Variants in FOLH1 observed in about 807,000 individuals in gnomAD.
The protein encoded by FOLH1 is glutamate carboxypeptidase 2.
FOLH1 carries 54 observed loss-of-function variants against 93.9 expected under a neutral mutation model. That is an observed-to-expected ratio of 0.57 (90% CI 0.46 to 0.72). The LOEUF is 0.72. FOLH1 is among the 30% of genes least tolerant of loss of function. The pLI, the probability that FOLH1 is intolerant of heterozygous loss-of-function variation, is 0.00. For synonymous variants in FOLH1, 249 were observed against 303.6 expected, an observed-to-expected ratio of 0.82 and a Z score of 1.87; for missense variants, 571 against 892.5, an observed-to-expected ratio of 0.64 and a Z score of 4.59.
Position 49,188,695 on chromosome 11 carries a change from T to A in FOLH1, c.514-1926A>T, listed in dbSNP as rs57970386. Among the ~76,000 whole-genome samples the A allele has an allele frequency of 8.4e-3, 1,285 of 152,272 alleles. 18 individuals carry two copies. The highest frequency in any genetic ancestry group is 0.03 in the African/African-American group (1,238 of 41,552). On this transcript the variant is annotated intron_variant, in intron 4 of 18. Transcript: ENST00000256999. Reference sequence around the variant, plus strand: ...TATCTTAACACATTTGTTCAGTGGGTGAACAAATTATTGCTAGAATGAGAC... The same window carrying A: ...TATCTTAACACATTTGTTCAGTGGGAGAACAAATTATTGCTAGAATGAGAC...
intron 13 of FOLH1, among the ~76,000 whole-genome samples, chr11:49,161,303 G>A (rs1202544386): frequency 6.6e-6 from 1 of 152,090 alleles, no homozygotes; most frequent in Admixed American, 6.5e-5. Flanking sequence ...ATGAATCTGG[G>A]TGCTCCTGTG....
chr11:49,177,004 C>T (rs1860131165), intron 7 of FOLH1, among the ~76,000 whole-genome samples: 1 of 152,246 alleles, frequency 6.6e-6, no homozygotes, highest in African/African-American at 2.4e-5. Context: ...TGCGGTGCAG[C>T]ATGCTCTGTC....
chr11:49,183,845 C>T (rs1861069723), intron 6 of FOLH1, among the ~76,000 whole-genome samples: 1 of 151,978 alleles, frequency 6.6e-6, no homozygotes, highest in Non-Finnish European at 1.5e-5. Flanking sequence ...ATAGTGATTG[C>T]TTCTAGGGGA....
intron 3 of FOLH1, among the ~76,000 whole-genome samples, chr11:49,197,974 G>A (rs1862806774): frequency 6.6e-6 from 1 of 151,854 alleles, no homozygotes; most frequent in African/African-American, 2.4e-5. Flanking sequence ...AAATAAAAAA[G>A]AACTAATGAT....
chr11:49,189,588 T>C (rs1215757850), intron 4 of FOLH1, among the ~76,000 whole-genome samples: 2 of 152,188 alleles, frequency 1.3e-5, no homozygotes, highest in Admixed American at 1.3e-4. Flanking sequence ...AAGTGTGTTT[T>C]TGACTTAGGA....
At chr11:49,147,047 T>C in intron 18 of FOLH1, 102 bp from the exon 19 acceptor site, 1 of 1,163,066 alleles carries the variant, frequency 8.6e-7, no homozygotes. Flanking sequence ...CTATAACAAT[T>C]TGAACAAGCC....
chr11:49,167,923 C>A (rs867272047), intron 12 of FOLH1, among the ~76,000 whole-genome samples: 1,817 of 9,010 alleles, frequency 0.2, 35 homozygotes, highest in African/African-American at 0.3. Context: ...CACAAAAAAA[C>A]CAGAAAAAGA....
chr11:49,173,264 A>G, intron 10 of FOLH1, 93 bp downstream of exon 10: 1 of 1,272,374 alleles, frequency 7.9e-7, no homozygotes, highest in African/African-American at 1.5e-5. Context: ...AAACACATGT[A>G]ATGGTTGAGG....
intron 3 of FOLH1, among the ~76,000 whole-genome samples, chr11:49,196,428 A>G (rs916525310): frequency 6.6e-6 from 1 of 152,168 alleles, no homozygotes; most frequent in Non-Finnish European, 1.5e-5. Context: ...AATAAAACCT[A>G]CTTCAGAAAA....
At chr11:49,183,412 ATTGC>A (rs1419122141) in intron 6 of FOLH1, among the ~76,000 whole-genome samples, 170 bp from the exon 7 acceptor site, 1 of 152,174 alleles carries the variant, frequency 6.6e-6, no homozygotes, top group Non-Finnish European at 1.5e-5. Flanking sequence ...ATCCTCATAC[ATTGC>A]TTGTGATAAT....
At position 49,161,402 on chromosome 11, in the gene FOLH1, T is replaced by A. The variant is rs561139725; in HGVS notation, c.1440+3303A>T. ...TGATGCCCTTCTTTGTCTTTTTTTTTATCTTTGTTGGTTTAAAGTCTGTTT... is the reference window on the plus strand; with the variant it reads ...TGATGCCCTTCTTTGTCTTTTTTTTAATCTTTGTTGGTTTAAAGTCTGTTT... On this transcript the variant is annotated intron_variant, in intron 13 of 18. Transcript: ENST00000256999. Among the ~76,000 whole-genome samples the A allele has an allele frequency of 1.1e-4, 16 of 152,272 alleles. No individual in the cohort carries two copies. The East Asian group carries it at 2.7e-3, about 26-fold the overall frequency.
chr11:49,190,580 C>G (rs1385387533), intron 4 of FOLH1, among the ~76,000 whole-genome samples: 1 of 152,160 alleles, frequency 6.6e-6, no homozygotes, highest in Admixed American at 6.5e-5. Flanking sequence ...AACAATATCA[C>G]GCTTGTTACA....
intron 2 of FOLH1, among the ~76,000 whole-genome samples, chr11:49,203,296 T>C (rs1300705657): frequency 6.6e-6 from 1 of 152,196 alleles, no homozygotes; most frequent in Non-Finnish European, 1.5e-5. Context: ...TGAATTCAAC[T>C]GGGTGTTTTC....
At chr11:49,170,221 C>G (rs1859076444) in intron 11 of FOLH1, among the ~76,000 whole-genome samples, 1 of 152,188 alleles carries the variant, frequency 6.6e-6, no homozygotes, top group Admixed American at 6.6e-5. Context: ...AATTACTTTT[C>G]AAATGGCTTA....
chr11:49,197,016 A>G (rs1590675029), intron 3 of FOLH1, among the ~76,000 whole-genome samples: 1 of 152,220 alleles, frequency 6.6e-6, no homozygotes, highest in African/African-American at 2.4e-5. Flanking sequence ...AACCAAATCA[A>G]CTACGACTTG....
chr11:49,204,355 A>T (rs1590706707), intron 2 of FOLH1, among the ~76,000 whole-genome samples: 1 of 152,092 alleles, frequency 6.6e-6, no homozygotes. Flanking sequence ...TTTTGCCCCC[A>T]GTTGAATTCT....
intron 7 of FOLH1, among the ~76,000 whole-genome samples, chr11:49,182,054 C>T (rs555049777): frequency 2.4e-4 from 37 of 152,190 alleles, no homozygotes; most frequent in African/African-American, 8.2e-4. Flanking sequence ...GGTGGCTGGG[C>T]GCAGTGCCTC....
chr11:49,208,131 C>T (rs1266157383), intron 1 of FOLH1, 161 bp downstream of exon 1: 2 of 623,596 alleles, frequency 3.2e-6, no homozygotes, highest in Admixed American at 5.8e-5. Context: ...AGCTACCCTC[C>T]TCCTAACTCG....
At chr11:49,193,696 C>CA (rs1565203492) in intron 3 of FOLH1, among the ~76,000 whole-genome samples, 1 of 151,498 alleles carries the variant, frequency 6.6e-6, no homozygotes, top group East Asian at 1.9e-4. Flanking sequence ...TATTCAGAAG[C>CA]AAAAAAATAA....
Sources: gnomAD v4.1 joint callset for allele counts (sites outside exome capture counted in the v4.1 genomes callset) on GRCh38, gnomAD v4.1.1 for gene constraint, MANE v1.5 for transcripts, NCBI Gene and HGNC (gene_info 2026-07-23, HGNC 2026-07-21) for gene names.